Variants in FER observed in about 807,000 individuals in gnomAD.
The protein encoded by FER is tyrosine-protein kinase Fer.
FER carries 63 observed loss-of-function variants against 111.0 expected under a neutral mutation model. The ratio of observed to expected loss-of-function variants is 0.57; its 90% CI spans 0.46 to 0.70. The LOEUF (loss-of-function observed/expected upper bound fraction) is 0.70. FER is among the 30% of genes least tolerant of loss of function. The probability of loss-of-function intolerance (pLI) is 0.00; values close to 1 mark genes in which losing one functional copy is unlikely to be tolerated. For missense variants in FER, 914 were observed against 954.0 expected (o/e 0.96, Z 0.55); for synonymous variants, 327 against 313.9 (o/e 1.04, Z -0.44).
In FER at chr5:109,129,873, T is replaced by TTATTA. The variant is rs998757725; in HGVS notation, c.2048+29355_2048+29356insATTAT. 6.7e-4 allele frequency among the ~76,000 whole-genome samples: 102 copies of TTATTA among 152,226 alleles called. 1 individual carries two copies. The highest frequency in any genetic ancestry group is 2.4e-3 in the African/African-American group (100 of 41,586). On this transcript the variant is annotated intron_variant, in intron 17 of 19. Transcript: ENST00000281092. Reference sequence around the variant, plus strand: ...TTTTTAGTTGCCCATCATATTGTTGTTTATAATGACAAATTTTTGGGAAAA... The same window carrying TTATTA: ...TTTTTAGTTGCCCATCATATTGTTGTTATTATTATAATGACAAATTTTTGGGAAAA...
At chr5:109,106,196 A>G (rs1748899844) in intron 17 of FER, among the ~76,000 whole-genome samples, 1 of 152,224 alleles carries the variant, frequency 6.6e-6, no homozygotes, top group African/African-American at 2.4e-5. Context: ...TAACATCTGC[A>G]CTCTGTAATG....
intron 14 of FER, among the ~76,000 whole-genome samples, chr5:109,040,895 A>G (rs970856653): frequency 2.0e-5 from 3 of 152,154 alleles, no homozygotes; most frequent in Admixed American, 2.0e-4. Flanking sequence ...GAAACACAGT[A>G]GTTCACTTTT....
chr5:108,823,128 A>AAGTCCTGGGATTACAGGCATGAACC (rs1185162226), intron 3 of FER, among the ~76,000 whole-genome samples: 3 of 152,198 alleles, frequency 2.0e-5, no homozygotes, highest in Non-Finnish European at 4.4e-5. Flanking sequence ...TGGCCTCCCA[A>AAGTCCTGGGATTACAGGCATGAACC]AGTCCTGGGA....
intron 8 of FER, among the ~76,000 whole-genome samples, chr5:108,880,656 A>G (rs1420321104): frequency 6.6e-6 from 1 of 152,078 alleles, no homozygotes; most frequent in African/African-American, 2.4e-5. Flanking sequence ...AATTCTCTCA[A>G]TAACTGAAGC....
intron 16 of FER, among the ~76,000 whole-genome samples, chr5:109,070,052 T>C (rs1373486051): frequency 6.6e-6 from 1 of 152,094 alleles, no homozygotes; most frequent in African/African-American, 2.4e-5. Flanking sequence ...TCATTAAGTG[T>C]AAATCAAACT....
intron 5 of FER, among the ~76,000 whole-genome samples, chr5:108,855,132 C>T (rs190882030): frequency 6.6e-6 from 1 of 152,016 alleles, no homozygotes; most frequent in African/African-American, 2.4e-5. Flanking sequence ...ATTAGATACT[C>T]AAGTGGAACT....
intron 13 of FER, among the ~76,000 whole-genome samples, chr5:108,963,728 A>T (rs992649373): frequency 6.6e-6 from 1 of 152,190 alleles, no homozygotes; most frequent in African/African-American, 2.4e-5. Context: ...GAGGAGAGTA[A>T]GTCTGTGTCT....
At chr5:109,019,415 G>A (rs1267319846) in intron 13 of FER, among the ~76,000 whole-genome samples, 2 of 151,694 alleles carry the variant, frequency 1.3e-5, no homozygotes, top group Non-Finnish European at 2.9e-5. Context: ...ATCATTGTTA[G>A]TATTGTCAAA....
intron 17 of FER, among the ~76,000 whole-genome samples, chr5:109,151,959 A>C (rs75293782): frequency 6.6e-6 from 1 of 152,050 alleles, no homozygotes; most frequent in Non-Finnish European, 1.5e-5. Flanking sequence ...CTTAGGATCA[A>C]TGCAAGAATT....
At position 109,075,057 on chromosome 5, in the gene FER, T is replaced by A. The variant is rs186826329; in HGVS notation, c.1925-25339T>A. On this transcript the variant is annotated intron_variant, in intron 16 of 19. Coordinates refer to ENST00000281092, the MANE Select transcript of FER (RefSeq NM_005246.4). ...AATCAGTTTTTAAGCATCAAAATTC[T>A]GTGTGTATATATCTTAGCTTTCTAA... Among the ~76,000 whole-genome samples the A allele has an allele frequency of 3.4e-3, 515 of 152,292 alleles. 4 individuals are homozygous for A. Among genetic ancestry groups the A allele is most frequent in the Non-Finnish European group, 5.5e-3 (372 of 68,016 alleles).
chr5:108,833,498 T>TG (rs1331606415), intron 4 of FER, among the ~76,000 whole-genome samples: 7 of 151,936 alleles, frequency 4.6e-5, no homozygotes, highest in African/African-American at 1.7e-4. Flanking sequence ...ACTTTTTTTT[T>TG]TTTTACATTG....
intron 2 of FER, among the ~76,000 whole-genome samples, chr5:108,786,376 T>G (rs1754717005): frequency 6.6e-6 from 1 of 152,230 alleles, no homozygotes; most frequent in Admixed American, 6.5e-5. Flanking sequence ...TTTGTTAACT[T>G]TTCTTTGCCA....
chr5:109,131,356 T>C (rs1752339320), intron 17 of FER, among the ~76,000 whole-genome samples: 1 of 152,160 alleles, frequency 6.6e-6, no homozygotes, highest in African/African-American at 2.4e-5. Context: ...TGAATAAATT[T>C]TACAGCTGTT....
rs186031107 is a variant in FER, at chr5:108,952,983, A to G, written c.1330-1746A>G. Reference sequence around the variant, plus strand: ...TACATTGAATTTCTTGTATTCAGTAATAACTGTTGAATAAATAAGCAGTTT... The same window carrying G: ...TACATTGAATTTCTTGTATTCAGTAGTAACTGTTGAATAAATAAGCAGTTT... On this transcript the variant is annotated intron_variant, in intron 11 of 19. Transcript: ENST00000281092. 3.9e-5 allele frequency among the ~76,000 whole-genome samples: 6 copies of G among 152,188 alleles called. No individual in the cohort carries two copies. The East Asian group carries it at 9.6e-4, about 24-fold the overall frequency.
rs1297659417 is a variant in FER at position 108,834,048 on chromosome 5, T to A, written c.381+1105T>A. 2.4e-4 allele frequency among the ~76,000 whole-genome samples: 37 copies of A among 152,180 alleles called. 1 individual carries two copies. The highest frequency in any genetic ancestry group is 2.4e-3 in the Admixed American group (37 of 15,286). ...ATACCTTGCATTTGAATGATACTTT[T>A]AAAAAATATGTAGGTTCTCTTTCCT... On this transcript the variant is annotated intron_variant, in intron 4 of 19. Coordinates refer to ENST00000281092, the MANE Select transcript of FER (RefSeq NM_005246.4).
chr5:109,041,369 T>C (rs1443711610), intron 14 of FER, among the ~76,000 whole-genome samples: 1 of 151,304 alleles, frequency 6.6e-6, no homozygotes, highest in Admixed American at 6.6e-5. Context: ...GAGGAGAATA[T>C]AATAAAAGAA....
At chr5:109,001,059 G>A (rs1334318761) in intron 13 of FER, among the ~76,000 whole-genome samples, 1 of 152,130 alleles carries the variant, frequency 6.6e-6, no homozygotes, top group Admixed American at 6.6e-5. Context: ...ATTCACAGCT[G>A]AATTCTACCA....
chr5:108,965,272 A>T (rs1039603659), intron 13 of FER, among the ~76,000 whole-genome samples: 1 of 152,186 alleles, frequency 6.6e-6, no homozygotes, highest in Non-Finnish European at 1.5e-5. Flanking sequence ...TATCAGCCAC[A>T]TCTTCTTAGG....
At chr5:109,177,087 A>G (rs1458916063) in intron 17 of FER, among the ~76,000 whole-genome samples, 1 of 151,844 alleles carries the variant, frequency 6.6e-6, no homozygotes, top group East Asian at 1.9e-4. Flanking sequence ...AAGAACATGT[A>G]TCAGTGTATA....
Sources: gnomAD v4.1 joint callset for allele counts (sites outside exome capture counted in the v4.1 genomes callset) on GRCh38, gnomAD v4.1.1 for gene constraint, MANE v1.5 for transcripts, NCBI Gene and HGNC (gene_info 2026-07-23, HGNC 2026-07-21) for gene names.